The following PCDHGA3 variants were observed in gnomAD, a reference collection of about 807,000 sequenced individuals.
The protein encoded by PCDHGA3 is protocadherin gamma subfamily A, 3, also known as protocadherin gamma-A3.
In PCDHGA3, 40 loss-of-function variants were observed where a neutral mutation model predicts 58.5. The ratio of observed to expected loss-of-function variants is 0.68; its 90% CI spans 0.53 to 0.89. The LOEUF is 0.89. Among genes scored for constraint, PCDHGA3 ranks in the 40% least tolerant of loss-of-function variants. PCDHGA3 has a pLI of 0.00. For synonymous variants in PCDHGA3, 530 were observed against 525.7 expected, an observed-to-expected ratio of 1.01 and a Z score of -0.11; for missense variants, 1,223 against 1,195.9, an observed-to-expected ratio of 1.02 and a Z score of -0.33.
At position 141,490,649 on chromosome 5, in the gene PCDHGA3, G is replaced by C. The variant is rs1428223995; in HGVS notation, c.2425-4158G>C. 1 of 1,614,148 alleles carries C rather than the reference G, an allele frequency of 6.2e-7. No homozygotes were observed. Among genetic ancestry groups the C allele is most frequent in the Admixed American group, 1.7e-5 (1 of 60,018 alleles). On this transcript the variant is annotated intron_variant, in intron 1 of 3. Coordinates refer to ENST00000253812, the MANE Select transcript of PCDHGA3 (RefSeq NM_018916.4). The surrounding 1 kb of genome is among the most constrained non-coding windows in gnomAD (Gnocchi z 5.4). ...TACATCCTAGAAAACCGGCCTCCGG[G>C]CTCCCTTCTTTGCACTGTGGCTGCC...
chr5:141,490,736 A>G lies in PCDHGA3; in HGVS notation c.2425-4071A>G, dbSNP rs747567176. The G allele has an allele frequency of 5.0e-6, 8 of 1,614,084 alleles. No individual in the cohort carries two copies. Among genetic ancestry groups the G allele is most frequent in the Non-Finnish European group, 6.8e-6 (8 of 1,180,034 alleles). On this transcript the variant is annotated intron_variant, in intron 1 of 3. Transcript: ENST00000253812. This position sits in a 1 kb window ranked among gnomAD's most constrained non-coding sequence, Gnocchi z 5.4. The stretch of plus-strand genomic sequence containing the variant: ...TACTCCATTGTAGGAAATCAGGTTC[A>G]GGGAGCCCCAGCCTCCTCCTTTGTG...
At chr5:141,506,910 G>C (rs1165112258) in intron 3 of PCDHGA3, among the ~76,000 whole-genome samples, 1 of 152,082 alleles carries the variant, frequency 6.6e-6, no homozygotes, top group Admixed American at 6.5e-5. Context: ...ATCACACCTG[G>C]GCACATACTA....
chr5:141,370,406 C>T (rs753617533), intron 1 of PCDHGA3: 3 of 1,560,202 alleles, frequency 1.9e-6, no homozygotes, highest in African/African-American at 2.7e-5. Flanking sequence ...TGGGAAATAG[C>T]TCCGGATGGA....
intron 1 of PCDHGA3, chr5:141,385,554 T>C (rs2090283366): frequency 7.6e-7 from 1 of 1,314,354 alleles, no homozygotes; most frequent in Non-Finnish European, 9.7e-7. Context: ...TATCACATTT[T>C]ATAATTTCCA....
intron 1 of PCDHGA3, chr5:141,383,379 A>G: frequency 6.2e-7 from 1 of 1,614,052 alleles, no homozygotes; most frequent in Non-Finnish European, 8.5e-7. Context: ...CTGGGGATCC[A>G]GATGTGGGCA....
At chr5:141,447,263 C>A (rs953578064) in intron 1 of PCDHGA3, among the ~76,000 whole-genome samples, 1 of 152,116 alleles carries the variant, frequency 6.6e-6, no homozygotes, top group Non-Finnish European at 1.5e-5. Context: ...TCTCAGCCTC[C>A]CAAGTAGCTG....
chr5:141,375,877 G>A lies in PCDHGA3; in HGVS notation c.2424+29420G>A, dbSNP rs752155500. ...AGGTGGTGGCGGTGGACAGAGACTC[G>A]GGCCAGAACGCCTGGCTGTCCTACC... On this transcript the variant is annotated intron_variant, in intron 1 of 3. Transcript: ENST00000253812. 8 of 1,613,676 alleles carry A rather than the reference G, an allele frequency of 5.0e-6. No individual in the cohort carries two copies. In the East Asian group the frequency reaches 1.3e-4, roughly 27 times the overall value.
At chr5:141,395,138 C>A (rs147992300) in intron 1 of PCDHGA3, 1 of 1,614,204 alleles carries the variant, frequency 6.2e-7, no homozygotes, top group African/African-American at 1.3e-5. Flanking sequence ...AGCCCAACTA[C>A]GCAGACATGC....
rs2099884060 is a variant in PCDHGA3 at position 141,512,057 on chromosome 5, A to T, written c.*884A>T. 1 of 152,768 alleles carries T rather than the reference A, an allele frequency of 6.5e-6. No individual in the cohort carries two copies. Among genetic ancestry groups the T allele is most frequent in the South Asian group, 2.1e-4 (1 of 4,832 alleles). 9.5% of individuals were successfully genotyped at this position (152,768 alleles called of 1,614,324 possible). ...GGCTCTGTATGTCCTCAGGGGACTG[A>T]CAACATCCTCCAGATTCCAGCCATA... is the stretch of plus-strand genomic sequence containing the variant. On this transcript the variant is annotated 3_prime_UTR_variant, in exon 4 of 4. Coordinates refer to ENST00000253812, the MANE Select transcript of PCDHGA3 (RefSeq NM_018916.4).
chr5:141,403,703 G>A (rs747321937), intron 1 of PCDHGA3: 5 of 1,613,946 alleles, frequency 3.1e-6, no homozygotes, highest in Non-Finnish European at 4.2e-6. Context: ...CCGAGTTAAA[G>A]TCCTTGAGAA....
At chr5:141,397,770 A>G (rs913843546) in intron 1 of PCDHGA3, among the ~76,000 whole-genome samples, 13 of 152,238 alleles carry the variant, frequency 8.5e-5, no homozygotes, top group African/African-American at 2.2e-4. Flanking sequence ...TTTATTAAGT[A>G]TATGGACGTA....
chr5:141,414,376 T>G, intron 1 of PCDHGA3: 1 of 1,613,824 alleles, frequency 6.2e-7, no homozygotes, highest in Non-Finnish European at 8.5e-7. Flanking sequence ...ATTAGAAAAG[T>G]CCATTGACAG....
At chr5:141,389,169 C>T in intron 1 of PCDHGA3, 2 of 1,614,028 alleles carry the variant, frequency 1.2e-6, no homozygotes, top group Non-Finnish European at 1.7e-6. Context: ...GGGCAAGCCT[C>T]CCCTCTCCTC....
At chr5:141,356,419 C>T (rs1282680268) in intron 1 of PCDHGA3, 1 of 1,604,760 alleles carries the variant, frequency 6.2e-7, no homozygotes, top group Non-Finnish European at 8.5e-7. Flanking sequence ...GTTGTTGACA[C>T]ACAGAACACT....
At position 141,365,998 on chromosome 5, in the gene PCDHGA3, C is replaced by A. The variant is rs374639173; in HGVS notation, c.2424+19541C>A. 3.1e-6 allele frequency: 5 copies of A among 1,614,116 alleles called. No homozygotes were observed. Among genetic ancestry groups the A allele is most frequent in the Admixed American group, 3.3e-5 (2 of 60,012 alleles). On this transcript the variant is annotated intron_variant, in intron 1 of 3. Transcript: ENST00000253812. ...TGAGCCTGTTTGTGCTGGACCAGAA[C>A]GACAATACGCCTGAGATCCTGTACC...
intron 1 of PCDHGA3, chr5:141,362,239 CTCT>C (rs1588573433): frequency 1.2e-6 from 2 of 1,614,060 alleles, no homozygotes; most frequent in East Asian, 2.2e-5. Flanking sequence ...GATCTCAGTG[CTCT>C]TCTTCCTCGC....
At position 141,489,090 on chromosome 5, in the gene PCDHGA3, C is replaced by A; in HGVS notation, c.2425-5717C>A. On this transcript the variant is annotated intron_variant, in intron 1 of 3. Transcript: ENST00000253812. The surrounding 1 kb of genome is among the most constrained non-coding windows in gnomAD (Gnocchi z 4.5). Reference sequence around the variant, plus strand: ...CCTGCCCACCCCCGCCACTCGGTGACTAAGAACTGCTGCAAGCAGGCAAAC... The same window carrying A: ...CCTGCCCACCCCCGCCACTCGGTGAATAAGAACTGCTGCAAGCAGGCAAAC... The A allele has an allele frequency of 1.5e-5, 5 of 328,802 alleles. No individual in the cohort carries two copies. The highest frequency in any genetic ancestry group is 4.8e-5 in the East Asian group (1 of 20,928). 20.4% of individuals were successfully genotyped at this position (328,802 alleles called of 1,614,324 possible).
chr5:141,366,302 TTCACGG>T, intron 1 of PCDHGA3: 1 of 1,613,768 alleles, frequency 6.2e-7, no homozygotes, highest in Non-Finnish European at 8.5e-7. Flanking sequence ...GTCAGCCACC[TTCACGG>T]TCACCGTTGC....
At chr5:141,484,750 GTA>G (rs545232987) in intron 1 of PCDHGA3, among the ~76,000 whole-genome samples, 18 of 149,824 alleles carry the variant, frequency 1.2e-4, no homozygotes, top group Admixed American at 4.7e-4. Flanking sequence ...GAAAAAAAAT[GTA>G]TATATATATA....
Sources: allele counts gnomAD v4.1 joint callset (sites outside exome capture counted in the v4.1 genomes callset), GRCh38; gene constraint gnomAD v4.1.1; non-coding constraint Gnocchi (gnomAD v3.1); transcripts MANE v1.5; gene names NCBI Gene and HGNC (gene_info 2026-07-23, HGNC 2026-07-21).